DIRAS3: variants seen among roughly 807,000 people sequenced by gnomAD.
DIRAS3 encodes the protein DIRAS family GTPase 3, also known as GTP-binding protein Di-Ras3.
For synonymous variants in DIRAS3, 133 were observed against 131.4 expected (o/e 1.01, Z -0.08); for missense variants, 248 against 300.6 (o/e 0.83, Z 1.29).
intron 1 of DIRAS3, 55 bp from the exon 2 acceptor site, chr1:68,047,417 G>T: frequency 1.1e-6 from 1 of 910,034 alleles, no homozygotes; most frequent in Non-Finnish European, 1.6e-6. Flanking sequence ...AATGTTGTCA[G>T]ATCATGTCAG....
At position 68,046,959 on chromosome 1, in the gene DIRAS3, G is replaced by C. The variant is rs372359644; in HGVS notation, c.339C>G (p.Val113=). ...CCTTCTTGGTGACTGAGTAGACCAG[G>C]ACGAAGGCGTGGCCCCGGGCTATAA... is the stretch of plus-strand genomic sequence containing the variant. ...RHVIARGHAF[V]LVYSVTKKET... is the part of the protein sequence containing the mutation. The change falls in exon 2 of 2, where the codon GTC becomes GTG. Residue 113 remains valine (V), a synonymous_variant. Coordinates refer to ENST00000646789, the MANE Select transcript of DIRAS3 (RefSeq NM_004675.5). 1.2e-6 allele frequency: 2 copies of C among 1,614,174 alleles called. No individual in the cohort carries two copies. Among genetic ancestry groups the C allele is most frequent in the Non-Finnish European group, 1.7e-6 (2 of 1,180,038 alleles).
rs745384563 is a variant in DIRAS3 at position 68,046,671 on chromosome 1, G to C, written c.627C>G (p.Pro209=). Residue 209 remains proline, a synonymous_variant, in exon 2 of 2, where the codon CCC becomes CCG. Coordinates refer to ENST00000646789, the MANE Select transcript of DIRAS3 (RefSeq NM_004675.5). ...TGTTGGGCATCTGGGATTTCTTCTC[G>C]GGCTCCTGGAGGCCGGTGGTGGGCT... ...KKKPTTGLQE[P]EKKSQMPNTT... 12 of 1,613,972 alleles carry C rather than the reference G, an allele frequency of 7.4e-6. No individual in the cohort carries two copies. In the East Asian group the frequency reaches 1.6e-4, roughly 21 times the overall value.
intron 1 of DIRAS3, 108 bp from the exon 2 acceptor site, chr1:68,047,470 T>G: frequency 3.1e-6 from 2 of 635,412 alleles, no homozygotes; most frequent in Non-Finnish European, 5.4e-6. Flanking sequence ...GAGTCCACCC[T>G]GTGACGTAAA....
chr1:68,047,187 A>G lies in DIRAS3; in HGVS notation c.111T>C (p.Asp37=), dbSNP rs779027153. The G allele has an allele frequency of 2.5e-6, 4 of 1,613,996 alleles. No individual in the cohort carries two copies. Among genetic ancestry groups the G allele is most frequent in the Admixed American group, 3.3e-5 (2 of 59,990 alleles). The change falls in exon 2 of 2, where the codon GAT becomes GAC. Residue 37 remains aspartate, a synonymous_variant. Transcript: ENST00000646789. ...RAFKPHRKIR[D]YRVVVVGTAG... is the part of the protein sequence containing the mutation. ...CGGTGCCGACTACCACGACGCGGTAATCTCTGATCTTCCTGTGGGGCTTGA... is the reference window on the plus strand; with the variant it reads ...CGGTGCCGACTACCACGACGCGGTAGTCTCTGATCTTCCTGTGGGGCTTGA...
chr1:68,047,367 G>A lies in DIRAS3; in HGVS notation c.-65-5C>T. ...TTAGCTGGCAGCAGGAGACCCCTAG[G>A]AAGAAAGTGAGACGGTGAGAGATGG... On this transcript the variant is annotated splice_polypyrimidine_tract_variant and splice_region_variant and intron_variant, in intron 1 of 1. Transcript: ENST00000646789. 5.0e-6 allele frequency: 7 copies of A among 1,403,838 alleles called. No individual in the cohort carries two copies. In the South Asian group the frequency reaches 7.9e-5, roughly 16 times the overall value. 87.0% of individuals were successfully genotyped at this position (1,403,838 alleles called of 1,614,324 possible). A position where few individuals can be genotyped will look rare whatever the true frequency, so the allele number is the denominator to read the frequency against.
At position 68,047,379 on chromosome 1, in the gene DIRAS3, A is replaced by G; in HGVS notation, c.-65-17T>C. ...AGGAGACCCCTAGGAAGAAAGTGAGACGGTGAGAGATGGTAGTGGTAACCT... is the reference window on the plus strand; with the variant it reads ...AGGAGACCCCTAGGAAGAAAGTGAGGCGGTGAGAGATGGTAGTGGTAACCT... On this transcript the variant is annotated splice_polypyrimidine_tract_variant and intron_variant, in intron 1 of 1. Coordinates refer to ENST00000646789, the MANE Select transcript of DIRAS3 (RefSeq NM_004675.5). 1 of 1,265,136 alleles carries G rather than the reference A, an allele frequency of 7.9e-7. No homozygotes were observed. The highest frequency in any genetic ancestry group is 1.4e-5 in the South Asian group (1 of 70,432). The allele number at this position is 1,265,136 out of a possible 1,614,324, so 78.4% of individuals were successfully genotyped here. A position where few individuals can be genotyped will look rare whatever the true frequency, so the allele number is the denominator to read the frequency against.
chr1:68,048,850 T>A (rs547496384), intron 1 of DIRAS3, among the ~76,000 whole-genome samples: 1 of 150,682 alleles, frequency 6.6e-6, no homozygotes, highest in South Asian at 2.2e-4. Context: ...ATCAATCCTC[T>A]CACCTCAGCC....
intron 1 of DIRAS3, among the ~76,000 whole-genome samples, chr1:68,048,049 A>AAATATATAT (rs1553173941): frequency 1.4e-4 from 1 of 7,270 alleles, no homozygotes; most frequent in Non-Finnish European, 2.5e-4. Flanking sequence ...AAAAAAAAAA[A>AAATATATAT]ATATATATAT....
rs149658129 is a variant in DIRAS3 at position 68,047,045 on chromosome 1, G to A, written c.253C>T (p.Leu85Phe). The change falls in exon 2 of 2, where the codon CTT (leucine) becomes TTT (phenylalanine). Residue 85 changes from leucine to phenylalanine, a missense_variant. Physicochemically the swap from Leu to Phe is conservative, Grantham distance 22. Coordinates refer to ENST00000646789, the MANE Select transcript of DIRAS3 (RefSeq NM_004675.5). ...TTGCTGTCGGTGATGTGCAGGGAAA[G>A]CACACCGTGGCTGCAGCCCAGCAAC... Reference protein sequence around the residue: ...CQLLGCSHGVLSLHITDSKSG... With the variant: ...CQLLGCSHGVFSLHITDSKSG... 6.2e-7 allele frequency: 1 copy of A among 1,614,218 alleles called. No individual in the cohort carries two copies. Among genetic ancestry groups the A allele is most frequent in the Admixed American group, 1.7e-5 (1 of 60,028 alleles).
In DIRAS3 at chr1:68,047,239, A is replaced by G; in HGVS notation, c.59T>C (p.Leu20Pro). Residue 20 changes from leucine (L) to proline (P), a missense_variant, in exon 2 of 2, where the codon CTG becomes CCG. Leu to Pro is a moderately conservative substitution (Grantham distance 98, BLOSUM62 -3). Coordinates refer to ENST00000646789, the MANE Select transcript of DIRAS3 (RefSeq NM_004675.5). ...GGCGCGGAGGATAAGCAGGGCGGGC[A>G]GAAGCCGCAACCGCTTCAGCAGCTT... The part of the protein sequence containing the change: ...EQKLLKRLRL[L>P]PALLILRAFK... The G allele has an allele frequency of 6.2e-7, 1 of 1,613,608 alleles. No individual in the cohort carries two copies. The highest frequency in any genetic ancestry group is 8.5e-7 in the Non-Finnish European group (1 of 1,180,020).
At position 68,049,968 on chromosome 1, in the gene DIRAS3, C is replaced by CCCT. The variant is rs1553174088; in HGVS notation, c.-66+579_-66+580insAGG. 1.3e-5 allele frequency among the ~76,000 whole-genome samples: 2 copies of CCCT among 148,970 alleles called. 1 individual carries two copies. The highest frequency in any genetic ancestry group is 5.2e-5 in the African/African-American group (2 of 38,694). On this transcript the variant is annotated intron_variant, in intron 1 of 1. Transcript: ENST00000646789. ...TCATTCTCAGGCAGTGGACCCCCCCCCCCACTCCCCTCCACACTCCTTCCA... is the reference window on the plus strand; with the variant it reads ...TCATTCTCAGGCAGTGGACCCCCCCCCCTCCCACTCCCCTCCACACTCCTTCCA...
At chr1:68,048,032 AAAAAAAAAAAAAAAAAAATATAT>A (rs1301361540) in intron 1 of DIRAS3, among the ~76,000 whole-genome samples, 6 of 52,514 alleles carry the variant, frequency 1.1e-4, no homozygotes, top group African/African-American at 5.4e-4. Context: ...AAAAAAAAAA[AAAAAAAAAAAAAAAAAAATATAT>A]ATATATATAT....
At chr1:68,048,468 A>G (rs981408387) in intron 1 of DIRAS3, among the ~76,000 whole-genome samples, 2 of 152,158 alleles carry the variant, frequency 1.3e-5, no homozygotes, top group Non-Finnish European at 2.9e-5. Context: ...CTGTGGCACT[A>G]GGTATAGAAA....
intron 1 of DIRAS3, 47 bp from the exon 2 acceptor site, chr1:68,047,409 T>A: frequency 2.0e-6 from 2 of 980,810 alleles, no homozygotes; most frequent in Non-Finnish European, 3.0e-6. Flanking sequence ...TAACCTACAA[T>A]GTTGTCAGAT....
rs1240175863 is a variant in DIRAS3, at chr1:68,050,054, G to A, written c.-66+494C>T. ...GGTGAAAGTTTCCAGGAACCAGAGGGCGTCCAAACCCAGCGGCCGTGCGGA... is the reference window on the plus strand; with the variant it reads ...GGTGAAAGTTTCCAGGAACCAGAGGACGTCCAAACCCAGCGGCCGTGCGGA... On this transcript the variant is annotated intron_variant, in intron 1 of 1. Coordinates refer to ENST00000646789, the MANE Select transcript of DIRAS3 (RefSeq NM_004675.5). This position sits in a 1 kb window ranked among gnomAD's most constrained non-coding sequence, Gnocchi z 4.5. Among the ~76,000 whole-genome samples, 1 of 151,498 alleles carries A rather than the reference G, an allele frequency of 6.6e-6. No individual in the cohort carries two copies.
At chr1:68,048,061 T>A (rs1346707054) in intron 1 of DIRAS3, among the ~76,000 whole-genome samples, 11 of 96,504 alleles carry the variant, frequency 1.1e-4, no homozygotes, top group African/African-American at 3.2e-4. Context: ...TATATATATA[T>A]ATATATATAT....
At position 68,046,761 on chromosome 1, in the gene DIRAS3, C is replaced by G; in HGVS notation, c.537G>C (p.Glu179Asp). The change falls in exon 2 of 2, where the codon GAG (glutamate) becomes GAC (aspartate). Residue 179 changes from glutamate (E) to aspartate (D), a missense_variant. Glu to Asp is a conservative substitution (Grantham distance 45, BLOSUM62 2). Coordinates refer to ENST00000646789, the MANE Select transcript of DIRAS3 (RefSeq NM_004675.5). ...CAMEWNCAFM[E>D]ISAKTDVNVQ... Reference sequence around the variant, plus strand: ...CATTCACATCGGTCTTGGCTGAAATCTCCATGAAGGCGCAATTCCACTCCA... The same window carrying G: ...CATTCACATCGGTCTTGGCTGAAATGTCCATGAAGGCGCAATTCCACTCCA... 6.2e-7 allele frequency: 1 copy of G among 1,614,184 alleles called. No homozygotes were observed.
In DIRAS3 at chr1:68,046,213, A is replaced by T. The variant is rs538248387; in HGVS notation, c.*395T>A. The T allele has an allele frequency of 1.2e-5, 2 of 160,718 alleles. No homozygotes were observed. The highest frequency in any genetic ancestry group is 2.7e-5 in the Non-Finnish European group (2 of 73,088). 10.0% of individuals were successfully genotyped at this position (160,718 alleles called of 1,614,324 possible). A position where few individuals can be genotyped will look rare whatever the true frequency, so the allele number is the denominator to read the frequency against. ...CTTTTCTTAAATACACAATTAAAAG[A>T]TATGATTAAGCACTTACAGGATGTG... On this transcript the variant is annotated 3_prime_UTR_variant, in exon 2 of 2. Coordinates refer to ENST00000646789, the MANE Select transcript of DIRAS3 (RefSeq NM_004675.5).
At chr1:68,049,672 T>G (rs1227093758) in intron 1 of DIRAS3, 1 of 152,370 alleles carries the variant, frequency 6.6e-6, no homozygotes, top group South Asian at 2.1e-4. Flanking sequence ...TGTGCATTAC[T>G]AATTATTCTG....
Sources: gnomAD v4.1 joint callset for allele counts (sites outside exome capture counted in the v4.1 genomes callset) on GRCh38, gnomAD v4.1.1 for gene constraint, Gnocchi (gnomAD v3.1) non-coding constraint, MANE v1.5 for transcripts, NCBI Gene and HGNC (gene_info 2026-07-23, HGNC 2026-07-21) for gene names.